Variants in MAP2K4 observed in about 807,000 individuals in gnomAD.
MAP2K4 encodes the protein mitogen-activated protein kinase kinase 4.
In MAP2K4, 4 loss-of-function variants were observed where a neutral mutation model predicts 48.5. That is an observed-to-expected ratio of 0.08 (90% CI 0.04 to 0.19). MAP2K4 has a LOEUF of 0.19. MAP2K4 is among the 10% of genes least tolerant of loss of function. The pLI is 1.00. For missense variants in MAP2K4, 258 were observed against 493.3 expected (o/e 0.52, Z 4.52); for synonymous variants, 166 against 173.1 (o/e 0.96, Z 0.32).
chr17:12,114,049 C>T (rs1972398353), intron 7 of MAP2K4, among the ~76,000 whole-genome samples: 1 of 152,204 alleles, frequency 6.6e-6, no homozygotes, highest in Non-Finnish European at 1.5e-5. Context: ...CAGCACACTA[C>T]TAAATGTGAC....
Position 12,081,743 on chromosome 17 carries a change from A to G in MAP2K4, c.393+213A>G, listed in dbSNP as rs967979272. On this transcript the variant is annotated intron_variant, in intron 3 of 10. Transcript: ENST00000353533. This position sits in a 1 kb window ranked among gnomAD's most constrained non-coding sequence, Gnocchi z 4.2. Reference sequence around the variant, plus strand: ...GGAAACATGAGTGTATGAAGTGTGCATGTTGATTGCATTTTTGGCATGATG... The same window carrying G: ...GGAAACATGAGTGTATGAAGTGTGCGTGTTGATTGCATTTTTGGCATGATG... Among the ~76,000 whole-genome samples the G allele has an allele frequency of 5.9e-5, 9 of 152,200 alleles. No homozygotes were observed. Among genetic ancestry groups the G allele is most frequent in the African/African-American group, 1.9e-4 (8 of 41,448 alleles).
intron 2 of MAP2K4, among the ~76,000 whole-genome samples, chr17:12,072,506 C>T (rs1970850079): frequency 1.3e-5 from 2 of 152,222 alleles, no homozygotes; most frequent in South Asian, 2.1e-4. Flanking sequence ...GCCTAAATAC[C>T]TTCATAGAAA....
chr17:12,108,423 C>A (rs1034781370), intron 5 of MAP2K4, among the ~76,000 whole-genome samples: 1 of 152,054 alleles, frequency 6.6e-6, no homozygotes, highest in Non-Finnish European at 1.5e-5. Flanking sequence ...CTAGCAGTTT[C>A]AGGGGCCAGT....
chr17:12,048,353 A>C (rs1970030965), intron 1 of MAP2K4, among the ~76,000 whole-genome samples: 2 of 152,206 alleles, frequency 1.3e-5, no homozygotes, highest in South Asian at 4.1e-4. Flanking sequence ...TTACACACAA[A>C]AGTGTAAAAT....
chr17:12,097,711 A>G (rs1395879851), intron 4 of MAP2K4, among the ~76,000 whole-genome samples: 1 of 152,166 alleles, frequency 6.6e-6, no homozygotes, highest in East Asian at 1.9e-4. Flanking sequence ...CCCTTTTTCC[A>G]GATAGGAAAA....
At chr17:12,076,674 T>C (rs1440623815) in intron 2 of MAP2K4, among the ~76,000 whole-genome samples, 1 of 151,854 alleles carries the variant, frequency 6.6e-6, no homozygotes, top group Non-Finnish European at 1.5e-5. Flanking sequence ...GTTAGGACCA[T>C]TCATATTTCA....
intron 2 of MAP2K4, among the ~76,000 whole-genome samples, chr17:12,076,571 G>T (rs2151544411): frequency 6.6e-6 from 1 of 152,176 alleles, no homozygotes; most frequent in East Asian, 1.9e-4. Flanking sequence ...TATAATTTCT[G>T]TACATTGAGT....
At chr17:12,103,614 C>T (rs1177944714) in intron 4 of MAP2K4, among the ~76,000 whole-genome samples, 1 of 152,088 alleles carries the variant, frequency 6.6e-6, no homozygotes, top group Non-Finnish European at 1.5e-5. Flanking sequence ...TTAAAGCCCT[C>T]ATCACATTTC....
intron 4 of MAP2K4, among the ~76,000 whole-genome samples, chr17:12,102,957 C>G (rs919985285): frequency 1.3e-5 from 2 of 150,166 alleles, no homozygotes; most frequent in African/African-American, 2.5e-5. Flanking sequence ...ATTAGTCCAG[C>G]TAGAGGTTTA....
At chr17:12,100,865 A>T (rs1199123779) in intron 4 of MAP2K4, among the ~76,000 whole-genome samples, 1 of 152,140 alleles carries the variant, frequency 6.6e-6, no homozygotes, top group African/African-American at 2.4e-5. Context: ...ATCTTTGATG[A>T]AGTTCCTGTT....
intron 4 of MAP2K4, among the ~76,000 whole-genome samples, chr17:12,105,139 T>C (rs147554768): frequency 1.8e-4 from 28 of 152,258 alleles, no homozygotes; most frequent in African/African-American, 5.8e-4. Flanking sequence ...TATCTCTTCT[T>C]TAAAATTATC....
chr17:12,096,424 C>T (rs755893751), intron 4 of MAP2K4, among the ~76,000 whole-genome samples: 1 of 152,060 alleles, frequency 6.6e-6, no homozygotes, highest in Non-Finnish European at 1.5e-5. Flanking sequence ...TGAGTTTGGG[C>T]TAGGGGTAGA....
At chr17:12,085,921 C>T (rs1311971847) in intron 3 of MAP2K4, among the ~76,000 whole-genome samples, 1 of 152,148 alleles carries the variant, frequency 6.6e-6, no homozygotes, top group Non-Finnish European at 1.5e-5. Flanking sequence ...GACCATGCCA[C>T]TTCTGTCAAA....
chr17:12,075,926 G>T (rs1036708328), intron 2 of MAP2K4, among the ~76,000 whole-genome samples: 23 of 152,096 alleles, frequency 1.5e-4, no homozygotes, highest in Admixed American at 3.3e-4. Flanking sequence ...GTTAATAGTG[G>T]TTTTTTTCTG....
At position 12,081,907 on chromosome 17, in the gene MAP2K4, G is replaced by A. The variant is rs1971200372; in HGVS notation, c.393+377G>A. The A allele has an allele frequency of 1.9e-6, 1 of 538,424 alleles. No individual in the cohort carries two copies. The highest frequency in any genetic ancestry group is 1.4e-5 in the South Asian group (1 of 70,990). The allele number at this position is 538,424 out of a possible 1,614,324, so 33.4% of individuals were successfully genotyped here. On this transcript the variant is annotated intron_variant, in intron 3 of 10. Coordinates refer to ENST00000353533, the MANE Select transcript of MAP2K4 (RefSeq NM_003010.4). This position sits in a 1 kb window ranked among gnomAD's most constrained non-coding sequence, Gnocchi z 4.2. ...AGACGCAGCACACTGGGTTGGGCAA[G>A]GTGCGGGGCTAGGGCTAACAGCAGT...
At chr17:12,095,910 TGTG>T in intron 4 of MAP2K4, among the ~76,000 whole-genome samples, 1 of 146,898 alleles carries the variant, frequency 6.8e-6, no homozygotes, top group Non-Finnish European at 1.5e-5. Flanking sequence ...TGTGTGTGTG[TGTG>T]TGTGTGTGTG....
chr17:12,081,595 T>C lies in MAP2K4; in HGVS notation c.393+65T>C. On this transcript the variant is annotated intron_variant, in intron 3 of 10. Coordinates refer to ENST00000353533, the MANE Select transcript of MAP2K4 (RefSeq NM_003010.4). This position sits in a 1 kb window ranked among gnomAD's most constrained non-coding sequence, Gnocchi z 4.2. ...TAGGTGAAATTTCATGGTGCAGTAA[T>C]ACCACTGTTGTTGTGTTCCTACTTT... 6.7e-7 allele frequency: 1 copy of C among 1,493,684 alleles called. No homozygotes were observed. Among genetic ancestry groups the C allele is most frequent in the Non-Finnish European group, 9.2e-7 (1 of 1,085,250 alleles). 92.5% of individuals were successfully genotyped at this position (1,493,684 alleles called of 1,614,324 possible). A position where few individuals can be genotyped will look rare whatever the true frequency, so the allele number is the denominator to read the frequency against.
intron 1 of MAP2K4, among the ~76,000 whole-genome samples, chr17:12,047,744 A>G (rs1315490670): frequency 6.6e-6 from 1 of 152,204 alleles, no homozygotes; most frequent in East Asian, 1.9e-4. Context: ...AGGTTTTAAT[A>G]TGTACTTATA....
At chr17:12,066,476 G>A (rs1380827270) in intron 2 of MAP2K4, among the ~76,000 whole-genome samples, 5 of 152,018 alleles carry the variant, frequency 3.3e-5, no homozygotes, top group African/African-American at 1.2e-4. Context: ...TAGTAACTTA[G>A]TACATCTTGA....
Sources: gnomAD v4.1 joint callset for allele counts (sites outside exome capture counted in the v4.1 genomes callset) on GRCh38, gnomAD v4.1.1 for gene constraint, Gnocchi (gnomAD v3.1) non-coding constraint, MANE v1.5 for transcripts, NCBI Gene and HGNC (gene_info 2026-07-23, HGNC 2026-07-21) for gene names.